The following COMMD2 variants were observed in gnomAD, a reference collection of about 807,000 sequenced individuals.
COMMD2 encodes COMM domain-containing protein 2.
In COMMD2, 25 loss-of-function variants were observed where a neutral mutation model predicts 22.5. The observed-to-expected ratio is 1.11, with a 90% CI of 0.81 to 1.55. The LOEUF (loss-of-function observed/expected upper bound fraction) is 1.55. Ranked by LOEUF, COMMD2 falls within the 40% of genes most tolerant of loss-of-function variation. COMMD2 has a pLI of 0.00. For synonymous variants in COMMD2, 98 were observed against 91.2 expected (o/e 1.07, Z -0.42); for missense variants, 223 against 232.9 (o/e 0.96, Z 0.28).
chr3:149,746,970 T>C (rs1017552959), intron 4 of COMMD2, among the ~76,000 whole-genome samples: 7 of 152,120 alleles, frequency 4.6e-5, no homozygotes, highest in Non-Finnish European at 1.0e-4. Context: ...GAACTCACTA[T>C]CACAAGAACA....
In COMMD2 at chr3:149,739,712, ATATGCTAC is replaced by A. The variant is rs1169626246; in HGVS notation, c.*1801_*1808del. 2 of 152,200 alleles carry A rather than the reference ATATGCTAC, an allele frequency of 1.3e-5. No homozygotes were observed. The highest frequency in any genetic ancestry group is 2.9e-5 in the Non-Finnish European group (2 of 68,032). 9.4% of individuals were successfully genotyped at this position (152,200 alleles called of 1,614,324 possible). A position where few individuals can be genotyped will look rare whatever the true frequency, so the allele number is the denominator to read the frequency against. On this transcript the variant is annotated 3_prime_UTR_variant, in exon 5 of 5. Transcript: ENST00000473414. ...GCATGTTGCTTTTAAACCCAATGAC[ATATGCTAC>A]TATTTCACGTAATAAAGTTTCTTTT...
intron 4 of COMMD2, among the ~76,000 whole-genome samples, chr3:149,742,405 C>T (rs138040031): frequency 0.012 from 1,901 of 152,188 alleles, 34 homozygotes; most frequent in African/African-American, 0.043. Flanking sequence ...TAGGCATATA[C>T]CTTAACCTCT....
Position 149,743,819 on chromosome 3 carries a change from CAGAG to C in COMMD2, c.403-2105_403-2102del, listed in dbSNP as rs780021157. ...TATATTTGTTTTTCCTCTACACTGA[CAGAG>C]AGAGACTGCACCGACAGACAGGGAC... On this transcript the variant is annotated intron_variant, in intron 4 of 4. Coordinates refer to ENST00000473414, the MANE Select transcript of COMMD2 (RefSeq NM_016094.4). 5.9e-5 allele frequency among the ~76,000 whole-genome samples: 9 copies of C among 152,276 alleles called. No individual in the cohort carries two copies. The East Asian group carries it at 1.7e-3, about 29-fold the overall frequency.
intron 4 of COMMD2, among the ~76,000 whole-genome samples, chr3:149,744,453 G>A (rs1261003550): frequency 6.6e-6 from 1 of 152,184 alleles, no homozygotes; most frequent in Non-Finnish European, 1.5e-5. Context: ...TCAGTCTGAT[G>A]GTGGTACATT....
At position 149,741,731 on chromosome 3, in the gene COMMD2, T is replaced by C. The variant is rs375560161; in HGVS notation, c.403-13A>G. 118 of 1,595,214 alleles carry C rather than the reference T, an allele frequency of 7.4e-5. 1 individual carries two copies. The highest frequency in any genetic ancestry group is 9.7e-5 in the Non-Finnish European group (113 of 1,163,138). On this transcript the variant is annotated splice_polypyrimidine_tract_variant and intron_variant, in intron 4 of 4. Coordinates refer to ENST00000473414, the MANE Select transcript of COMMD2 (RefSeq NM_016094.4). Reference sequence around the variant, plus strand: ...TTCTACTTGCAAGCTTGATTTTAAATGAAATAAGAGCACAGTAACTATTTA... The same window carrying C: ...TTCTACTTGCAAGCTTGATTTTAAACGAAATAAGAGCACAGTAACTATTTA...
intron 3 of COMMD2, 73 bp downstream of exon 3, chr3:149,751,330 G>A (rs758935590): frequency 1.2e-6 from 2 of 1,605,486 alleles, no homozygotes; most frequent in African/African-American, 1.3e-5. Context: ...TACCTGCCAG[G>A]ACTATGATGT....
chr3:149,751,329 G>C (rs1716523259), intron 3 of COMMD2, 74 bp downstream of exon 3: 4 of 1,604,966 alleles, frequency 2.5e-6, no homozygotes, highest in Non-Finnish European at 3.4e-6. Context: ...GTACCTGCCA[G>C]GACTATGATG....
intron 4 of COMMD2, among the ~76,000 whole-genome samples, chr3:149,746,400 T>A (rs1163838050): frequency 1.1e-4 from 17 of 152,024 alleles, no homozygotes; most frequent in South Asian, 8.3e-4. Context: ...GAGGCTATGG[T>A]AGGAGTAGTT....
intron 4 of COMMD2, among the ~76,000 whole-genome samples, chr3:149,748,046 CTG>C (rs1716426613): frequency 1.3e-5 from 2 of 150,848 alleles, no homozygotes; most frequent in Non-Finnish European, 2.9e-5. Flanking sequence ...GGGTTTCTGA[CTG>C]TGCACAGAAG....
chr3:149,752,397 C>T lies in COMMD2; in HGVS notation c.48G>A (p.Leu16=). Residue 16 remains leucine (L), a synonymous_variant, in exon 1 of 5, where the codon CTG becomes CTA. Coordinates refer to ENST00000473414, the MANE Select transcript of COMMD2 (RefSeq NM_016094.4). ...SEEHKEHLAF[L]PQVDSAVVAE... is the part of the protein sequence containing the mutation. ...GCTGACCCGCGCTGTCCACTTGAGG[C>T]AGGAAGGCCAGGTGTTCCTTATGCT... 1 of 1,614,172 alleles carries T rather than the reference C, an allele frequency of 6.2e-7. No homozygotes were observed. The highest frequency in any genetic ancestry group is 8.5e-7 in the Non-Finnish European group (1 of 1,180,014).
chr3:149,742,454 A>C (rs1338939009), intron 4 of COMMD2, among the ~76,000 whole-genome samples: 1 of 152,218 alleles, frequency 6.6e-6, no homozygotes, highest in East Asian at 1.9e-4. Flanking sequence ...TCCAAGAACC[A>C]AAAATTAGAA....
intron 4 of COMMD2, among the ~76,000 whole-genome samples, chr3:149,748,439 A>C (rs987707568): frequency 4.6e-5 from 7 of 152,170 alleles, no homozygotes; most frequent in African/African-American, 1.7e-4. Context: ...CAGTTTAGTA[A>C]AACAAAAAAC....
rs1472896408 is a variant in COMMD2 at position 149,750,896 on chromosome 3, T to C, written c.229-45A>G. The C allele has an allele frequency of 4.0e-6, 5 of 1,260,186 alleles. No individual in the cohort carries two copies. In the African/African-American group the frequency reaches 7.5e-5, roughly 19 times the overall value. 78.1% of individuals were successfully genotyped at this position (1,260,186 alleles called of 1,614,324 possible). ...AAGAACATCAAAATTTATCTTTGTC[T>C]AGCTAAAATAATTGAAATACACAAA... On this transcript the variant is annotated intron_variant, in intron 3 of 4. Transcript: ENST00000473414.
rs1716551182 is a variant in COMMD2 at position 149,752,201 on chromosome 3, CCTT to C, written c.145+6_145+8del. 6.2e-7 allele frequency: 1 copy of C among 1,612,948 alleles called. No homozygotes were observed. The highest frequency in any genetic ancestry group is 8.5e-7 in the Non-Finnish European group (1 of 1,179,312). On this transcript the variant is annotated splice_donor_region_variant and intron_variant, in intron 2 of 4. Coordinates refer to ENST00000473414, the MANE Select transcript of COMMD2 (RefSeq NM_016094.4). The stretch of plus-strand genomic sequence containing the variant: ...GAAGCCTGCGGAGCCTTCCCCTTTC[CCTT>C]CTTACTGGCGGCGCCTTCGTAGATT...
At position 149,752,479 on chromosome 3, in the gene COMMD2, A is replaced by AC; in HGVS notation, c.-36dup. 6.3e-7 allele frequency: 1 copy of AC among 1,587,590 alleles called. No individual in the cohort carries two copies. Among genetic ancestry groups the AC allele is most frequent in the Non-Finnish European group, 8.6e-7 (1 of 1,164,294 alleles). ...CCTACGATTTCACCCGGCAGCGCCG[A>AC]CCCCGCCTTCGCCACTTCCGGCGCC... On this transcript the variant is annotated 5_prime_UTR_variant, in exon 1 of 5. Transcript: ENST00000473414.
chr3:149,741,469 T>C lies in COMMD2; in HGVS notation c.*52A>G. ...AATTAATTTTGAAAAGTAATTGCTG[T>C]ATATCATCAATTCATAAGTGATTCA... On this transcript the variant is annotated 3_prime_UTR_variant, in exon 5 of 5. Transcript: ENST00000473414. The C allele has an allele frequency of 7.4e-7, 1 of 1,350,998 alleles. No homozygotes were observed. The highest frequency in any genetic ancestry group is 1.1e-6 in the Non-Finnish European group (1 of 941,536). The allele number at this position is 1,350,998 out of a possible 1,614,324, so 83.7% of individuals were successfully genotyped here. A position where few individuals can be genotyped will look rare whatever the true frequency, so the allele number is the denominator to read the frequency against.
In COMMD2 at chr3:149,752,266, A is replaced by C; in HGVS notation, c.89T>G (p.Ile30Ser). 1 of 1,613,858 alleles carries C rather than the reference A, an allele frequency of 6.2e-7. No individual in the cohort carries two copies. Among genetic ancestry groups the C allele is most frequent in the Non-Finnish European group, 8.5e-7 (1 of 1,179,942 alleles). The part of the protein sequence containing the change: ...DSAVVAEFGR[I>S]AVEFLRRGAN... ...GCCGCGTCTCAGGAATTCCACAGCA[A>C]TCCGCCCAAACTCGGCGACCACTGC... Residue 30 changes from isoleucine to serine, a missense_variant, in exon 2 of 5, where the codon ATT (isoleucine) becomes AGT (serine). Transcript: ENST00000473414.
rs962453124 is a variant in COMMD2 at position 149,740,182 on chromosome 3, C to A, written c.*1339G>T. ...CTTCCATACAATTCTTCTCCCTAAG[C>A]TGACCTCAGTATCTCTGCACTCTCT... On this transcript the variant is annotated 3_prime_UTR_variant, in exon 5 of 5. Coordinates refer to ENST00000473414, the MANE Select transcript of COMMD2 (RefSeq NM_016094.4). 6.6e-6 allele frequency: 1 copy of A among 152,224 alleles called. No homozygotes were observed. Among genetic ancestry groups the A allele is most frequent in the Non-Finnish European group, 1.5e-5 (1 of 68,046 alleles). 9.4% of individuals were successfully genotyped at this position (152,224 alleles called of 1,614,324 possible).
intron 4 of COMMD2, among the ~76,000 whole-genome samples, chr3:149,743,291 T>C (rs1325002594): frequency 6.6e-6 from 1 of 152,138 alleles, no homozygotes; most frequent in Non-Finnish European, 1.5e-5. Flanking sequence ...AGATTCTCCA[T>C]TAAAAGGAAC....
Sources: allele counts gnomAD v4.1 joint callset (sites outside exome capture counted in the v4.1 genomes callset), GRCh38; gene constraint gnomAD v4.1.1; transcripts MANE v1.5; gene names NCBI Gene and HGNC (gene_info 2026-07-23, HGNC 2026-07-21).